The following PGBD5 variants were observed in gnomAD, a reference collection of about 807,000 sequenced individuals.
PGBD5 encodes piggyBac transposable element derived 5.
A neutral mutation model predicts 47.9 loss-of-function variants in PGBD5; 14 were observed. The ratio of observed to expected loss-of-function variants is 0.29; its 90% CI spans 0.19 to 0.46. The LOEUF is 0.46. Ranked by LOEUF, PGBD5 falls within the 20% of genes least tolerant of loss-of-function variation. PGBD5 has a pLI of 1.00. For missense variants in PGBD5, 635 were observed against 716.0 expected, an observed-to-expected ratio of 0.89 and a Z score of 1.29; for synonymous variants, 316 against 306.3, an observed-to-expected ratio of 1.03 and a Z score of -0.33.
rs964932285 is a variant in PGBD5 at position 230,340,992 on chromosome 1, G to A, written c.895-3704C>T. Among the ~76,000 whole-genome samples the A allele has an allele frequency of 2.6e-5, 4 of 152,116 alleles. No homozygotes were observed. The East Asian group carries it at 7.7e-4, about 29-fold the overall frequency. ...AGAAGGGGACAGGCACTGAGCTAAA[G>A]GCACTGAGCCAGAGGAGACAGGCAC... On this transcript the variant is annotated intron_variant, in intron 3 of 6. Coordinates refer to ENST00000391860, the MANE Select transcript of PGBD5 (RefSeq NM_001258311.2).
intron 5 of PGBD5, 34 bp from the exon 6 acceptor site, chr1:230,325,449 A>G: frequency 6.7e-7 from 1 of 1,484,256 alleles, no homozygotes; most frequent in Non-Finnish European, 9.4e-7. Context: ...CCCCTTCCTC[A>G]GCACCTCCTC....
At position 230,333,066 on chromosome 1, in the gene PGBD5, G is replaced by A. The variant is rs368660584; in HGVS notation, c.1076-25C>T. 1.1e-4 allele frequency: 174 copies of A among 1,568,114 alleles called. 2 individuals carry two copies. In the Middle Eastern group the frequency reaches 3.6e-3, roughly 33 times the overall value. The stretch of plus-strand genomic sequence containing the variant: ...CCTGAGGGGAGAGGGAGGAAGGATC[G>A]CACACTCACCACCATCGGAGATGCC... On this transcript the variant is annotated intron_variant, in intron 4 of 6. Coordinates refer to ENST00000391860, the MANE Select transcript of PGBD5 (RefSeq NM_001258311.2).
At chr1:230,341,727 C>A (rs904135689) in intron 3 of PGBD5, among the ~76,000 whole-genome samples, 1 of 152,178 alleles carries the variant, frequency 6.6e-6, no homozygotes, top group East Asian at 1.9e-4. Context: ...GTTCCACCAA[C>A]GTGTGTAGAC....
intron 1 of PGBD5, chr1:230,367,976 C>A (rs1324892392): frequency 1.5e-6 from 2 of 1,367,668 alleles, no homozygotes; most frequent in African/African-American, 1.5e-5. Context: ...GTCCTGCAAG[C>A]TGGACACCAA....
At chr1:230,349,982 A>T (rs1468283871) in intron 3 of PGBD5, among the ~76,000 whole-genome samples, 1 of 151,400 alleles carries the variant, frequency 6.6e-6, no homozygotes, top group Non-Finnish European at 1.5e-5. Flanking sequence ...ATTTTCCCGG[A>T]GCAAGCGCAC....
chr1:230,369,557 C>A (rs1667895754), intron 1 of PGBD5, among the ~76,000 whole-genome samples: 1 of 152,198 alleles, frequency 6.6e-6, no homozygotes, highest in African/African-American at 2.4e-5. Flanking sequence ...CAGCCCTGCT[C>A]TGATTGACCC....
intron 1 of PGBD5, among the ~76,000 whole-genome samples, chr1:230,390,535 C>G (rs1401630647): frequency 6.6e-6 from 1 of 152,124 alleles, no homozygotes; most frequent in Non-Finnish European, 1.5e-5. Flanking sequence ...AAACTCAAGT[C>G]TAAGGTCGGG....
At position 230,347,630 on chromosome 1, in the gene PGBD5, C is replaced by T. The variant is rs527250891; in HGVS notation, c.894+3328G>A. On this transcript the variant is annotated intron_variant, in intron 3 of 6. Coordinates refer to ENST00000391860, the MANE Select transcript of PGBD5 (RefSeq NM_001258311.2). The stretch of plus-strand genomic sequence containing the variant: ...AAGTATCTGGGATTACAGGCATGCG[C>T]CACCATGCCTGGCTAATTTTTTTTG... 2.2e-4 allele frequency among the ~76,000 whole-genome samples: 34 copies of T among 152,172 alleles called. No individual in the cohort carries two copies. In the South Asian group the frequency reaches 7.1e-3, roughly 32 times the overall value.
intron 2 of PGBD5, among the ~76,000 whole-genome samples, chr1:230,355,445 T>C (rs1667621699): frequency 6.6e-6 from 1 of 152,232 alleles, no homozygotes; most frequent in Admixed American, 6.5e-5. Flanking sequence ...GACCCCAGCA[T>C]GGTCTGAATG....
At chr1:230,373,997 A>T (rs1471974811) in intron 1 of PGBD5, among the ~76,000 whole-genome samples, 1 of 152,188 alleles carries the variant, frequency 6.6e-6, no homozygotes, top group Non-Finnish European at 1.5e-5. Flanking sequence ...TGAGTTTTAT[A>T]ACAGCAAAAC....
At chr1:230,422,827 G>C (rs1316310723) in intron 1 of PGBD5, among the ~76,000 whole-genome samples, 1 of 152,022 alleles carries the variant, frequency 6.6e-6, no homozygotes, top group Non-Finnish European at 1.5e-5. Context: ...TTTTAGGGCT[G>C]GCACGGGAAC....
intron 1 of PGBD5, among the ~76,000 whole-genome samples, chr1:230,402,474 G>A (rs1571860917): frequency 6.6e-6 from 1 of 152,216 alleles, no homozygotes; most frequent in African/African-American, 2.4e-5. Context: ...CACTAAAGTT[G>A]GAGTGCAGTG....
chr1:230,359,828 A>G (rs1377778901), intron 1 of PGBD5, among the ~76,000 whole-genome samples: 1 of 152,220 alleles, frequency 6.6e-6, no homozygotes, highest in Non-Finnish European at 1.5e-5. Context: ...TCTGCATTTT[A>G]CAGAAGCAAC....
Position 230,319,458 on chromosome 1 carries a change from G to C in PGBD5, c.*3967C>G, listed in dbSNP as rs1667002804. ...TTTTTGCCATGAATGCAGACTGGAG[G>C]AGAATGTGTGAGGCTTGCGTAGTTG... is the stretch of plus-strand genomic sequence containing the variant. On this transcript the variant is annotated 3_prime_UTR_variant, in exon 7 of 7. Coordinates refer to ENST00000391860, the MANE Select transcript of PGBD5 (RefSeq NM_001258311.2). The C allele has an allele frequency of 6.6e-6, 1 of 152,164 alleles. No individual in the cohort carries two copies. The highest frequency in any genetic ancestry group is 1.5e-5 in the Non-Finnish European group (1 of 68,018). 9.4% of individuals were successfully genotyped at this position (152,164 alleles called of 1,614,324 possible).
In PGBD5 at chr1:230,317,250, TAGCAGTTCAGAAGC is replaced by T. The variant is rs1030729245; in HGVS notation, c.*6161_*6174del. 2.0e-5 allele frequency: 3 copies of T among 152,322 alleles called. No homozygotes were observed. Among genetic ancestry groups the T allele is most frequent in the Non-Finnish European group, 2.9e-5 (2 of 68,118 alleles). 9.4% of individuals were successfully genotyped at this position (152,322 alleles called of 1,614,324 possible). ...AGTTCTTAGCACAATGCCTGGCCTG[TAGCAGTTCAGAAGC>T]AGCAGTGGCTGAGAACCAGGAAGCC... On this transcript the variant is annotated 3_prime_UTR_variant, in exon 7 of 7. Transcript: ENST00000391860.
rs1368398632 is a variant in PGBD5, at chr1:230,315,723, ATATT to A, written c.*7698_*7701del. 5.3e-5 allele frequency: 8 copies of A among 151,408 alleles called. No individual in the cohort carries two copies. The highest frequency in any genetic ancestry group is 1.3e-4 in the Admixed American group (2 of 15,228). The allele number at this position is 151,408 out of a possible 1,614,324, so 9.4% of individuals were successfully genotyped here. On this transcript the variant is annotated 3_prime_UTR_variant, in exon 7 of 7. Coordinates refer to ENST00000391860, the MANE Select transcript of PGBD5 (RefSeq NM_001258311.2). The stretch of plus-strand genomic sequence containing the variant: ...ACACATACACACAAGATAGATATAT[ATATT>A]AAGTGGACACTGTATGTGTATATAT...
intron 1 of PGBD5, among the ~76,000 whole-genome samples, chr1:230,388,330 C>A (rs1429059366): frequency 1.3e-5 from 2 of 152,232 alleles, no homozygotes. Flanking sequence ...TTGAGTGAGA[C>A]AGGCACTGCC....
chr1:230,335,852 CAG>C (rs1667314094), intron 4 of PGBD5, among the ~76,000 whole-genome samples: 1 of 147,612 alleles, frequency 6.8e-6, no homozygotes, highest in African/African-American at 2.5e-5. Context: ...CACAGACACA[CAG>C]ATACACACAC....
intron 1 of PGBD5, among the ~76,000 whole-genome samples, chr1:230,398,323 C>A (rs1657050662): frequency 6.6e-6 from 1 of 152,198 alleles, no homozygotes; most frequent in African/African-American, 2.4e-5. Context: ...TTGTTTCCTG[C>A]TGAGGCCTCT....
Sources: allele counts gnomAD v4.1 joint callset (sites outside exome capture counted in the v4.1 genomes callset), GRCh38; gene constraint gnomAD v4.1.1; transcripts MANE v1.5; gene names NCBI Gene and HGNC (gene_info 2026-07-23, HGNC 2026-07-21).